The following SLC2A13 variants were observed in gnomAD, a reference collection of about 807,000 sequenced individuals.
The protein encoded by SLC2A13 is proton myo-inositol cotransporter.
In SLC2A13, 32 loss-of-function variants were observed where a neutral mutation model predicts 64.4. The ratio of observed to expected loss-of-function variants is 0.50; its 90% confidence interval spans 0.37 to 0.67. SLC2A13 has a LOEUF of 0.67. Ranked by LOEUF, SLC2A13 falls within the 30% of genes least tolerant of loss-of-function variation. SLC2A13 has a pLI of 0.00. For synonymous variants in SLC2A13, 338 were observed against 327.1 expected, an observed-to-expected ratio of 1.03 and a Z score of -0.36; for missense variants, 743 against 829.2, an observed-to-expected ratio of 0.90 and a Z score of 1.28.
chr12:39,918,866 AG>A (rs1444762768), intron 4 of SLC2A13, among the ~76,000 whole-genome samples: 1 of 135,148 alleles, frequency 7.4e-6, no homozygotes, highest in Non-Finnish European at 1.6e-5. Context: ...AAAAAAAAAA[AG>A]GGTTAAAAAC....
chr12:39,885,068 T>C (rs145158373), intron 4 of SLC2A13, among the ~76,000 whole-genome samples: 2 of 152,330 alleles, frequency 1.3e-5, no homozygotes, highest in African/African-American at 2.4e-5. Context: ...GTGATATGAA[T>C]TGTGACTACA....
intron 7 of SLC2A13, among the ~76,000 whole-genome samples, chr12:39,770,271 G>A (rs1434816908): frequency 6.6e-6 from 1 of 151,986 alleles, no homozygotes; most frequent in Non-Finnish European, 1.5e-5. Context: ...TCCACTGATG[G>A]AATTTAGGTA....
intron 1 of SLC2A13, among the ~76,000 whole-genome samples, chr12:40,060,781 C>T (rs1022815266): frequency 6.6e-6 from 1 of 151,938 alleles, no homozygotes; most frequent in African/African-American, 2.4e-5. Flanking sequence ...AAACAGTGAT[C>T]CCAAATGGAT....
intron 6 of SLC2A13, among the ~76,000 whole-genome samples, chr12:39,846,438 CT>C (rs1442658176): frequency 3.3e-5 from 5 of 152,118 alleles, no homozygotes; most frequent in Admixed American, 1.3e-4. Flanking sequence ...ATATGATCTT[CT>C]AAAATTCACT....
rs1047284089 is a variant in SLC2A13 at position 40,003,792 on chromosome 12, G to A, written c.925+24509C>T. ...CACACACAAAAATTCTACAAAATGG[G>A]AGTATTATTCCCTTTCTGTAGATGA... On this transcript the variant is annotated intron_variant, in intron 3 of 9. Coordinates refer to ENST00000280871, the MANE Select transcript of SLC2A13 (RefSeq NM_052885.4). Among the ~76,000 whole-genome samples, 6 of 151,756 alleles carry A rather than the reference G, an allele frequency of 4.0e-5. 1 individual carries two copies. Among genetic ancestry groups the A allele is most frequent in the Non-Finnish European group, 8.8e-5 (6 of 67,950 alleles).
At chr12:40,103,810 C>A (rs1012137952) in intron 1 of SLC2A13, among the ~76,000 whole-genome samples, 1 of 152,184 alleles carries the variant, frequency 6.6e-6, no homozygotes, top group Non-Finnish European at 1.5e-5. Context: ...GTTGAAGGGT[C>A]CTGAAGGCCC....
At chr12:39,862,647 GGTATTAT>G (rs1943792832) in intron 6 of SLC2A13, among the ~76,000 whole-genome samples, 1 of 152,120 alleles carries the variant, frequency 6.6e-6, no homozygotes, top group African/African-American at 2.4e-5. Context: ...CTCATCTTAA[GGTATTAT>G]GTGATTCTTT....
intron 7 of SLC2A13, among the ~76,000 whole-genome samples, chr12:39,780,945 A>T (rs1242041916): frequency 6.6e-6 from 1 of 152,246 alleles, no homozygotes; most frequent in African/African-American, 2.4e-5. Flanking sequence ...AGTTACTGAC[A>T]TATAAGAGCT....
At chr12:39,970,266 T>C (rs1946620234) in intron 3 of SLC2A13, among the ~76,000 whole-genome samples, 1 of 152,204 alleles carries the variant, frequency 6.6e-6, no homozygotes, top group Non-Finnish European at 1.5e-5. Context: ...TGGCTTAGGA[T>C]TGACTTGGCA....
In SLC2A13 at chr12:39,756,597, A is replaced by T. The variant is rs980995112; in HGVS notation, c.*3429T>A. 1 of 151,830 alleles carries T rather than the reference A, an allele frequency of 6.6e-6. No individual in the cohort carries two copies. The highest frequency in any genetic ancestry group is 2.1e-4 in the South Asian group (1 of 4,834). 9.4% of individuals were successfully genotyped at this position (151,830 alleles called of 1,614,324 possible). A position where few individuals can be genotyped will look rare whatever the true frequency, so the allele number is the denominator to read the frequency against. ...GAGACTTTCTTAGATAAACATATGG[A>T]TGGTATTTTCTAAAACATTCTTCCA... On this transcript the variant is annotated 3_prime_UTR_variant, in exon 10 of 10. Coordinates refer to ENST00000280871, the MANE Select transcript of SLC2A13 (RefSeq NM_052885.4).
At chr12:39,789,411 C>A (rs1030533362) in intron 7 of SLC2A13, among the ~76,000 whole-genome samples, 1 of 152,108 alleles carries the variant, frequency 6.6e-6, no homozygotes, top group Non-Finnish European at 1.5e-5. Context: ...TCATGATATA[C>A]ACTTTATGAA....
intron 3 of SLC2A13, among the ~76,000 whole-genome samples, chr12:39,971,354 GT>G (rs942607988): frequency 3.3e-5 from 5 of 152,080 alleles, no homozygotes; most frequent in Admixed American, 3.3e-4. Context: ...ATATAATTTG[GT>G]TTTTAAAAAT....
intron 1 of SLC2A13, among the ~76,000 whole-genome samples, chr12:40,094,279 A>C (rs1364595976): frequency 1.3e-5 from 2 of 152,150 alleles, no homozygotes; most frequent in African/African-American, 4.8e-5. Context: ...GTCTGGGCTG[A>C]AATCTAGATT....
chr12:39,968,205 C>A (rs967070632), intron 3 of SLC2A13, among the ~76,000 whole-genome samples: 1 of 152,126 alleles, frequency 6.6e-6, no homozygotes, highest in African/African-American at 2.4e-5. Context: ...CAAACATGTC[C>A]TTCTTAACAT....
chr12:39,817,412 T>G (rs1450979172), intron 7 of SLC2A13, among the ~76,000 whole-genome samples: 1 of 128,808 alleles, frequency 7.8e-6, no homozygotes, highest in Non-Finnish European at 1.8e-5. Flanking sequence ...TGGCTTCTAG[T>G]TGTGGGTCAT....
At chr12:40,103,337 A>C (rs901089998) in intron 1 of SLC2A13, among the ~76,000 whole-genome samples, 1 of 152,090 alleles carries the variant, frequency 6.6e-6, no homozygotes, top group Non-Finnish European at 1.5e-5. Flanking sequence ...CATTGGTAAG[A>C]GCTTCTGGCT....
intron 7 of SLC2A13, among the ~76,000 whole-genome samples, chr12:39,811,158 T>A (rs2135805081): frequency 6.6e-6 from 1 of 152,204 alleles, no homozygotes; most frequent in East Asian, 1.9e-4. Flanking sequence ...TTATTAGAAG[T>A]GCTCTCTTTT....
intron 6 of SLC2A13, among the ~76,000 whole-genome samples, chr12:39,854,893 C>T (rs888405782): frequency 2.0e-5 from 3 of 152,210 alleles, no homozygotes. Context: ...GTCTGAGAAA[C>T]TCCAACTCAC....
At chr12:40,007,663 A>G (rs573014916) in intron 3 of SLC2A13, among the ~76,000 whole-genome samples, 7 of 152,242 alleles carry the variant, frequency 4.6e-5, no homozygotes, top group South Asian at 4.1e-4. Flanking sequence ...TAGTTCTTCT[A>G]TTTCCTAACA....
Sources: allele counts gnomAD v4.1 joint callset (sites outside exome capture counted in the v4.1 genomes callset), GRCh38; gene constraint gnomAD v4.1.1; transcripts MANE v1.5; gene names NCBI Gene and HGNC (gene_info 2026-07-23, HGNC 2026-07-21).